The following FAM13C variants were observed in gnomAD, a reference collection of about 807,000 sequenced individuals.
The protein encoded by FAM13C is protein FAM13C.
A neutral mutation model predicts 73.2 loss-of-function variants in FAM13C; 37 were observed. The ratio of observed to expected loss-of-function variants is 0.51; its 90% CI spans 0.39 to 0.67. The LOEUF is 0.67. Among genes scored for constraint, FAM13C ranks in the 30% least tolerant of loss-of-function variants. The probability of loss-of-function intolerance (pLI) is 0.00; values close to 1 mark genes in which losing one functional copy is unlikely to be tolerated. For missense variants in FAM13C, 589 were observed against 715.6 expected (o/e 0.82, Z 2.02); for synonymous variants, 246 against 260.9 (o/e 0.94, Z 0.55).
chr10:59,300,295 G>A (rs1000714134), intron 5 of FAM13C, among the ~76,000 whole-genome samples: 2 of 152,186 alleles, frequency 1.3e-5, no homozygotes, highest in East Asian at 1.9e-4. Context: ...TTATTACTAC[G>A]TACAACATAT....
Position 59,246,737 on chromosome 10 carries a change from G to A in FAM13C, c.*877C>T. The A allele has an allele frequency of 2.5e-6, 1 of 396,808 alleles. No individual in the cohort carries two copies. Among genetic ancestry groups the A allele is most frequent in the Non-Finnish European group, 4.4e-6 (1 of 224,882 alleles). 24.6% of individuals were successfully genotyped at this position (396,808 alleles called of 1,614,324 possible). On this transcript the variant is annotated 3_prime_UTR_variant, in exon 14 of 14. Coordinates refer to ENST00000618804, the MANE Select transcript of FAM13C (RefSeq NM_198215.4). ...ATGGGAAATGTTTTGACTTTACAAA[G>A]TATAGATGTTGGAACATTAAGAAAA...
chr10:59,321,661 C>T (rs376709862), intron 4 of FAM13C, among the ~76,000 whole-genome samples: 13 of 151,984 alleles, frequency 8.6e-5, no homozygotes, highest in African/African-American at 2.7e-4. Flanking sequence ...TCAAAAGAGC[C>T]CAATATACAA....
intron 5 of FAM13C, among the ~76,000 whole-genome samples, chr10:59,302,579 G>C (rs1847726615): frequency 6.6e-6 from 1 of 152,160 alleles, no homozygotes; most frequent in African/African-American, 2.4e-5. Context: ...TTGGGTTAGG[G>C]CCAAGACATC....
chr10:59,338,624 G>A (rs188324744), intron 3 of FAM13C, among the ~76,000 whole-genome samples: 3 of 152,230 alleles, frequency 2.0e-5, no homozygotes, highest in Admixed American at 6.5e-5. Context: ...CTCCATCTTC[G>A]ATACAACTAC....
chr10:59,337,597 A>C (rs974558316), intron 3 of FAM13C, among the ~76,000 whole-genome samples: 1 of 151,198 alleles, frequency 6.6e-6, no homozygotes, highest in African/African-American at 2.4e-5. Context: ...GTCACTTGTC[A>C]CTGTGGCCAC....
intron 10 of FAM13C, 136 bp downstream of exon 10, chr10:59,262,296 CAG>C (rs1842582633): frequency 8.3e-6 from 6 of 718,820 alleles, no homozygotes; most frequent in Non-Finnish European, 6.8e-6. Context: ...AGTAACCTGT[CAG>C]GAACTCATCT....
chr10:59,294,198 G>A lies in FAM13C; in HGVS notation c.507+8603C>T, dbSNP rs1846623956. Among the ~76,000 whole-genome samples, 3 of 152,214 alleles carry A rather than the reference G, an allele frequency of 2.0e-5. No individual in the cohort carries two copies. In the South Asian group the frequency reaches 6.2e-4, roughly 32 times the overall value. On this transcript the variant is annotated intron_variant, in intron 5 of 13. Coordinates refer to ENST00000618804, the MANE Select transcript of FAM13C (RefSeq NM_198215.4). ...AGCAATAAAAACTACAGCACAGGCT[G>A]GCCCCGGGAGCCACTGAACTGGACA...
intron 7 of FAM13C, 151 bp downstream of exon 7, chr10:59,269,748 G>T: frequency 1.1e-6 from 1 of 880,372 alleles, no homozygotes; most frequent in Non-Finnish European, 1.7e-6. Flanking sequence ...CAACTAGCAA[G>T]TACACTAATT....
chr10:59,353,395 T>C (rs1855325163), intron 2 of FAM13C, among the ~76,000 whole-genome samples: 2 of 152,298 alleles, frequency 1.3e-5, no homozygotes, highest in Middle Eastern at 3.4e-3. Context: ...ATCAATATCA[T>C]TAACCTTAAT....
intron 3 of FAM13C, among the ~76,000 whole-genome samples, chr10:59,344,023 A>G (rs284580): frequency 0.99 from 147,174 of 148,122 alleles, 73,120 homozygotes; most frequent in South Asian, 1. Flanking sequence ...GTGCAGTGGC[A>G]CGATCTCGGC....
intron 10 of FAM13C, 107 bp from the exon 11 acceptor site, chr10:59,254,550 G>A: frequency 2.2e-6 from 1 of 461,276 alleles, no homozygotes. Flanking sequence ...ATACTATAAT[G>A]CAGCAGTTAT....
chr10:59,354,989 C>T (rs1390206899), intron 2 of FAM13C, among the ~76,000 whole-genome samples: 2 of 150,426 alleles, frequency 1.3e-5, no homozygotes, highest in Non-Finnish European at 2.9e-5. Context: ...TAGCCTTGGA[C>T]CTCACCAATA....
At chr10:59,290,946 A>G (rs1349125617) in intron 5 of FAM13C, among the ~76,000 whole-genome samples, 1 of 152,198 alleles carries the variant, frequency 6.6e-6, no homozygotes, top group Non-Finnish European at 1.5e-5. Context: ...CTTAAAAATC[A>G]CAGGGGAGTT....
At chr10:59,284,895 C>T (rs565483433) in intron 5 of FAM13C, among the ~76,000 whole-genome samples, 148 of 152,020 alleles carry the variant, frequency 9.7e-4, no homozygotes, top group Non-Finnish European at 9.9e-4. Flanking sequence ...ACACACACAC[C>T]TGCTCCATAC....
At position 59,247,374 on chromosome 10, in the gene FAM13C, C is replaced by T. The variant is rs1367076102; in HGVS notation, c.*240G>A. ...ACTTGTATTGACTATGAGTTTTCTG[C>T]TTGGCATGGAGGACACTGAATTTTT... On this transcript the variant is annotated 3_prime_UTR_variant, in exon 14 of 14. Transcript: ENST00000618804. 6.3e-6 allele frequency: 3 copies of T among 477,392 alleles called. No homozygotes were observed. The highest frequency in any genetic ancestry group is 1.1e-5 in the Non-Finnish European group (3 of 271,498). 29.6% of individuals were successfully genotyped at this position (477,392 alleles called of 1,614,324 possible). A position where few individuals can be genotyped will look rare whatever the true frequency, so the allele number is the denominator to read the frequency against.
At chr10:59,251,404 C>T (rs1488497547) in intron 13 of FAM13C, 171 bp downstream of exon 13, 3 of 653,374 alleles carry the variant, frequency 4.6e-6, no homozygotes, top group Non-Finnish European at 8.2e-6. Flanking sequence ...TGAAACATCC[C>T]TAATACTGGC....
chr10:59,263,631 C>G (rs1012837590), intron 9 of FAM13C, among the ~76,000 whole-genome samples: 2 of 152,136 alleles, frequency 1.3e-5, no homozygotes, highest in Non-Finnish European at 2.9e-5. Context: ...AAAAGAAGGA[C>G]ACTAGCCCAC....
intron 2 of FAM13C, among the ~76,000 whole-genome samples, chr10:59,355,504 A>G (rs966164110): frequency 6.6e-6 from 1 of 152,218 alleles, no homozygotes; most frequent in African/African-American, 2.4e-5. Flanking sequence ...AATGATTAGC[A>G]GTGAAGGTTT....
At chr10:59,337,667 C>CTTTTTTTTTTTTTTTTTTTTTT (rs3078327) in intron 3 of FAM13C, among the ~76,000 whole-genome samples, 6 of 71,034 alleles carry the variant, frequency 8.4e-5, no homozygotes, top group Non-Finnish European at 1.3e-4. Flanking sequence ...TTTTCTTTTT[C>CTTTTTTTTTTTTTTTTTTTTTT]TTTTTTTTTT....
Sources: allele counts gnomAD v4.1 joint callset (sites outside exome capture counted in the v4.1 genomes callset), GRCh38; gene constraint gnomAD v4.1.1; transcripts MANE v1.5; gene names NCBI Gene and HGNC (gene_info 2026-07-23, HGNC 2026-07-21).